The following MRC2 variants were observed in gnomAD, a reference collection of about 807,000 sequenced individuals.
MRC2 encodes C-type mannose receptor 2.
MRC2 carries 84 observed loss-of-function variants against 206.2 expected under a neutral mutation model. The ratio of observed to expected loss-of-function variants is 0.41; its 90% CI spans 0.34 to 0.49. The LOEUF (loss-of-function observed/expected upper bound fraction) is 0.49, where lower values mean the gene tolerates loss of function less well. Among genes scored for constraint, MRC2 ranks in the 20% least tolerant of loss-of-function variants. MRC2 has a pLI of 0.31. For synonymous variants in MRC2, 798 were observed against 800.0 expected (o/e 1.00, Z 0.04); for missense variants, 1,676 against 2,001.5 (o/e 0.84, Z 3.10).
Position 62,687,109 on chromosome 17 carries a change from C to G in MRC2, c.2947-1180C>G, listed in dbSNP as rs140643770. On this transcript the variant is annotated intron_variant, in intron 20 of 29. Transcript: ENST00000303375. ...CAGAGCTGGAATCTGACATCTCCCC[C>G]TTACCTGAATCCCACCCCTGTCTTT... Among the ~76,000 whole-genome samples, 636 of 152,188 alleles carry G rather than the reference C, an allele frequency of 4.2e-3. 5 individuals are homozygous for G. The highest frequency in any genetic ancestry group is 0.015 in the African/African-American group (612 of 41,524).
rs1175307528 is a variant in MRC2 at position 62,680,048 on chromosome 17, G to A, written c.2299-122G>A. 3 of 1,531,762 alleles carry A rather than the reference G, an allele frequency of 2.0e-6. No homozygotes were observed. The highest frequency in any genetic ancestry group is 2.7e-6 in the Non-Finnish European group (3 of 1,126,078). 94.9% of individuals were successfully genotyped at this position (1,531,762 alleles called of 1,614,324 possible). A position where few individuals can be genotyped will look rare whatever the true frequency, so the allele number is the denominator to read the frequency against. ...CTTCAGGAAAGCAGGTCCGAGAGGG[G>A]TCACCCGGCCCCCGGTGAGAATTCG... On this transcript the variant is annotated intron_variant, in intron 14 of 29. Transcript: ENST00000303375. The surrounding 1 kb of genome is among the most constrained non-coding windows in gnomAD (Gnocchi z 4.8).
At chr17:62,687,164 T>C (rs975942650) in intron 20 of MRC2, among the ~76,000 whole-genome samples, 6 of 151,484 alleles carry the variant, frequency 4.0e-5, no homozygotes, top group Non-Finnish European at 7.4e-5. Flanking sequence ...ACACCCTTTC[T>C]TTTTTTTTCT....
intron 6 of MRC2, among the ~76,000 whole-genome samples, chr17:62,669,404 C>T (rs960257778): frequency 8.6e-5 from 13 of 152,000 alleles, no homozygotes; most frequent in African/African-American, 2.4e-4. Context: ...TTAGTAGAGA[C>T]GGGGTTTCAC....
In MRC2 at chr17:62,666,251, C is replaced by A; in HGVS notation, c.678C>A (p.Gly226=). The A allele has an allele frequency of 6.3e-7, 1 of 1,583,314 alleles. No individual in the cohort carries two copies. Among genetic ancestry groups the A allele is most frequent in the Non-Finnish European group, 8.6e-7 (1 of 1,166,264 alleles). ...ACTACGGCAAAGACGAGCGCTGGGGCTTCTGCCCCATCAAGAGTGAGAGCT... is the reference window on the plus strand; with the variant it reads ...ACTACGGCAAAGACGAGCGCTGGGGATTCTGCCCCATCAAGAGTGAGAGCT... ...TQDYGKDERW[G]FCPIKSNDCE... Residue 226 remains glycine, a synonymous_variant, in exon 3 of 30, where the codon GGC becomes GGA. Transcript: ENST00000303375. The surrounding 1 kb of genome is among the most constrained non-coding windows in gnomAD (Gnocchi z 5.0).
chr17:62,643,723 GATATA>G (rs1361497770), intron 1 of MRC2, among the ~76,000 whole-genome samples: 2 of 152,134 alleles, frequency 1.3e-5, no homozygotes, highest in African/African-American at 4.8e-5. Context: ...AGGAAAGATT[GATATA>G]ATAATATGTT....
rs2088768547 is a variant in MRC2, at chr17:62,667,192, T to A, written c.974-198T>A. ...TGGTACTGGTTACTGGGTAGAAGGT[T>A]CAAGGCGACGTGCACCCAGGTTAGA... On this transcript the variant is annotated intron_variant, in intron 5 of 29. Transcript: ENST00000303375. The surrounding 1 kb of genome is among the most constrained non-coding windows in gnomAD (Gnocchi z 4.1). Among the ~76,000 whole-genome samples, 3 of 152,066 alleles carry A rather than the reference T, an allele frequency of 2.0e-5. No individual in the cohort carries two copies. Among genetic ancestry groups the A allele is most frequent in the Admixed American group, 2.0e-4 (3 of 15,270 alleles).
chr17:62,682,274 A>G lies in MRC2; in HGVS notation c.2843A>G (p.Tyr948Cys), dbSNP rs1463972249. The part of the protein sequence containing the change: ...GDQRCLTALP[Y>C]ICKRSNVTKE... ...CAGAGGTGCCTGACAGCCTTGCCCT[A>G]CATCTGCAAGCGCAGCAACGTCACC... Residue 948 changes from tyrosine (Y) to cysteine (C), a missense_variant, in exon 20 of 30, where the codon TAC (tyrosine) becomes TGC (cysteine). By Grantham distance (194) the Tyr-to-Cys change is radical. Around this residue, in one of 3 missense-constraint regions of MRC2, gnomAD observed 1,354 missense variants for 1,636.6 expected, o/e 0.83. Transcript: ENST00000303375. 9 of 1,603,606 alleles carry G rather than the reference A, an allele frequency of 5.6e-6. No homozygotes were observed. The highest frequency in any genetic ancestry group is 7.7e-6 in the Non-Finnish European group (9 of 1,174,774).
chr17:62,677,867 T>C (rs542352531), intron 12 of MRC2, among the ~76,000 whole-genome samples: 75 of 152,134 alleles, frequency 4.9e-4, no homozygotes, highest in African/African-American at 9.9e-4. Flanking sequence ...CTGGCTAACA[T>C]GGTGAAACCC....
rs115568499 is a variant in MRC2 at position 62,646,496 on chromosome 17, G to A, written c.119-18052G>A. ...TTGTCACTGATAGAAGTGTCACTGT[G>A]TACATCGTAGCACACCAGACTCCTT... On this transcript the variant is annotated intron_variant, in intron 1 of 29. Coordinates refer to ENST00000303375, the MANE Select transcript of MRC2 (RefSeq NM_006039.5). Among the ~76,000 whole-genome samples, 256 of 152,228 alleles carry A rather than the reference G, an allele frequency of 1.7e-3. 2 individuals are homozygous for A. Among genetic ancestry groups the A allele is most frequent in the African/African-American group, 5.7e-3 (235 of 41,486 alleles).
At chr17:62,678,084 C>G (rs1396624750) in intron 12 of MRC2, among the ~76,000 whole-genome samples, 1 of 152,168 alleles carries the variant, frequency 6.6e-6, no homozygotes, top group Non-Finnish European at 1.5e-5. Flanking sequence ...AGATAAAAAT[C>G]TAGGCTGTCA....
chr17:62,636,570 G>A (rs1009296111), intron 1 of MRC2, among the ~76,000 whole-genome samples: 3 of 144,726 alleles, frequency 2.1e-5, no homozygotes, highest in East Asian at 2.1e-4. Flanking sequence ...CCAGGTTCAC[G>A]CCATTCTCCC....
chr17:62,666,876 G>A lies in MRC2; in HGVS notation c.973+6G>A. ...GTACCTCAACTGGGAGAGTGGTGAG[G>A]CACAAGGTTGGGGGCGCAGGGCAGC... On this transcript the variant is annotated splice_donor_region_variant and intron_variant, in intron 5 of 29. Transcript: ENST00000303375. The surrounding 1 kb of genome is among the most constrained non-coding windows in gnomAD (Gnocchi z 5.0). 1.2e-6 allele frequency: 2 copies of A among 1,612,886 alleles called. No homozygotes were observed. The highest frequency in any genetic ancestry group is 1.7e-6 in the Non-Finnish European group (2 of 1,179,270).
chr17:62,658,405 T>C (rs2460301), intron 1 of MRC2, among the ~76,000 whole-genome samples: 100,649 of 152,028 alleles, frequency 0.66, 33,495 homozygotes, highest in East Asian at 0.82. Context: ...GGAGGGGCCT[T>C]GAAGCTGTGC....
intron 1 of MRC2, among the ~76,000 whole-genome samples, chr17:62,663,229 ACCAT>A (rs1300354066): frequency 5.3e-5 from 6 of 112,290 alleles, no homozygotes; most frequent in African/African-American, 1.8e-4. Context: ...CCTCCTTCCT[ACCAT>A]CCATCCCTCC....
At chr17:62,656,234 A>G (rs1310874244) in intron 1 of MRC2, among the ~76,000 whole-genome samples, 2 of 152,096 alleles carry the variant, frequency 1.3e-5, no homozygotes, top group East Asian at 3.9e-4. Flanking sequence ...TTTAGTAGAG[A>G]TGGAGTTTCA....
chr17:62,690,160 CCCT>C lies in MRC2; in HGVS notation c.3753_3755del (p.Pro1252del), dbSNP rs770958309. On this transcript the variant is annotated inframe_deletion, in exon 26 of 30. Coordinates refer to ENST00000303375, the MANE Select transcript of MRC2 (RefSeq NM_006039.5). ...CTTAATCCTGTACCCCCACAGGGCC[CCCT>C]CCTCCCCGAAGAATAAGCTACCATG... 5 of 1,603,164 alleles carry C rather than the reference CCCT, an allele frequency of 3.1e-6. No homozygotes were observed. The Admixed American group carries it at 6.7e-5, about 22-fold the overall frequency.
intron 14 of MRC2, 22 bp downstream of exon 14, chr17:62,679,924 G>A: frequency 6.3e-7 from 1 of 1,598,218 alleles, no homozygotes; most frequent in Non-Finnish European, 8.5e-7. Flanking sequence ...TGGGGTACTT[G>A]GGACTGCGAG....
chr17:62,649,926 G>A (rs2088535588), intron 1 of MRC2, among the ~76,000 whole-genome samples: 1 of 149,890 alleles, frequency 6.7e-6, no homozygotes, highest in South Asian at 2.1e-4. Context: ...TGAGACAAGA[G>A]TGTCGCTCTA....
chr17:62,690,769 C>T lies in MRC2; in HGVS notation c.4012+8C>T. 6.3e-7 allele frequency: 1 copy of T among 1,596,402 alleles called. No homozygotes were observed. Among genetic ancestry groups the T allele is most frequent in the Non-Finnish European group, 8.5e-7 (1 of 1,171,716 alleles). ...TGAACTTCAACCCCAAAGGTGGGTG[C>T]CCTGTGTGTGGGGTGGAGAGGTCAA... On this transcript the variant is annotated splice_region_variant and intron_variant, in intron 27 of 29. Transcript: ENST00000303375.
Sources: gnomAD v4.1 joint callset for allele counts (sites outside exome capture counted in the v4.1 genomes callset) on GRCh38, gnomAD v4.1.1 for gene constraint, gnomAD v4.1.1 regional missense constraint, Gnocchi (gnomAD v3.1) non-coding constraint, MANE v1.5 for transcripts, NCBI Gene and HGNC (gene_info 2026-07-23, HGNC 2026-07-21) for gene names.